The following CTU1 variants were observed in gnomAD, a reference collection of about 807,000 sequenced individuals.
CTU1 encodes the protein cytoplasmic tRNA 2-thiolation protein 1.
CTU1 carries 15 observed loss-of-function variants against 12.9 expected under a neutral mutation model. That is an observed-to-expected ratio of 1.16 (90% CI 0.78 to 1.79). The LOEUF (loss-of-function observed/expected upper bound fraction) is 1.79. Ranked by LOEUF, CTU1 falls within the 40% of genes most tolerant of loss-of-function variation. The pLI is 0.00. For missense variants in CTU1, 553 were observed against 550.5 expected, an observed-to-expected ratio of 1.00 and a Z score of -0.05; for synonymous variants, 295 against 275.6, an observed-to-expected ratio of 1.07 and a Z score of -0.70.
intron 2 of CTU1, 62 bp from the exon 3 acceptor site, chr19:51,099,201 C>G (rs2122788989): frequency 6.9e-7 from 1 of 1,451,580 alleles, no homozygotes; most frequent in Non-Finnish European, 9.2e-7. Flanking sequence ...GCCAGGGAGC[C>G]CCCCGGGGAA....
In CTU1 at chr19:51,104,550, G is replaced by A; in HGVS notation, c.20C>T (p.Ala7Val). Reference sequence around the variant, plus strand: ...GGCGGCGCGTGCAGCATGGCAGGAGGCGCACGGCGGGGCGGGCATTGCGGG... The same window carrying A: ...GGCGGCGCGTGCAGCATGGCAGGAGACGCACGGCGGGGCGGGCATTGCGGG... The part of the protein sequence containing the change: MPAPPC[A>V]SCHAARAALR... The change falls in exon 2 of 3, where the codon GCC becomes GTC. Residue 7 changes from alanine to valine, a missense_variant. By Grantham distance (64) the Ala-to-Val change is moderately conservative. Transcript: ENST00000421832. 7 of 1,256,408 alleles carry A rather than the reference G, an allele frequency of 5.6e-6. No homozygotes were observed. The highest frequency in any genetic ancestry group is 6.0e-6 in the Non-Finnish European group (6 of 1,000,002). 77.8% of individuals were successfully genotyped at this position (1,256,408 alleles called of 1,614,324 possible).
intron 2 of CTU1, among the ~76,000 whole-genome samples, chr19:51,100,618 A>G (rs1284511838): frequency 6.6e-6 from 1 of 152,094 alleles, no homozygotes; most frequent in East Asian, 1.9e-4. Flanking sequence ...AAAAGAAAAG[A>G]AAATGGAGGA....
chr19:51,101,488 T>C (rs1439043430), intron 2 of CTU1, among the ~76,000 whole-genome samples: 1 of 152,082 alleles, frequency 6.6e-6, no homozygotes, highest in South Asian at 2.1e-4. Flanking sequence ...TTAAATAGCA[T>C]CTAGTGGGTA....
At chr19:51,100,954 T>TGC (rs1344740683) in intron 2 of CTU1, among the ~76,000 whole-genome samples, 3 of 151,372 alleles carry the variant, frequency 2.0e-5, no homozygotes, top group African/African-American at 2.4e-5. Context: ...TGTGTGTGTG[T>TGC]GTGTGTTTGA....
At position 51,108,117 on chromosome 19, in the gene CTU1, G is replaced by A. The variant is rs548690996; in HGVS notation, c.-22+230C>T. 6.6e-6 allele frequency among the ~76,000 whole-genome samples: 1 copy of A among 151,934 alleles called. No individual in the cohort carries two copies. Among genetic ancestry groups the A allele is most frequent in the East Asian group, 1.9e-4 (1 of 5,174 alleles). Reference sequence around the variant, plus strand: ...CGGGGACAGGCAGATAGTAACATAGGGGCGGGGGCAAGCAGATGGTCTTAT... The same window carrying A: ...CGGGGACAGGCAGATAGTAACATAGAGGCGGGGGCAAGCAGATGGTCTTAT... On this transcript the variant is annotated intron_variant, in intron 1 of 2. Transcript: ENST00000421832. The surrounding 1 kb of genome is among the most constrained non-coding windows in gnomAD (Gnocchi z 4.5).
Position 51,104,364 on chromosome 19 carries a change from T to C in CTU1, c.206A>G (p.His69Arg). 1 of 1,425,008 alleles carries C rather than the reference T, an allele frequency of 7.0e-7. No individual in the cohort carries two copies. Among genetic ancestry groups the C allele is most frequent in the Non-Finnish European group, 9.1e-7 (1 of 1,094,380 alleles). The allele number at this position is 1,425,008 out of a possible 1,614,324, so 88.3% of individuals were successfully genotyped here. ...GCGCGGCGCCAGCGCGCGCAGCACG[T>C]GCGCCAGCACCGTGGAGTCCTTGCC... ...SGGKDSTVLAHVLRALAPRLG... is the reference protein window; with the variant it reads ...SGGKDSTVLARVLRALAPRLG... The change falls in exon 2 of 3, where the codon CAC becomes CGC. Residue 69 changes from histidine to arginine, a missense_variant. Around this residue, in one of 2 missense-constraint regions of CTU1, gnomAD observed 500 missense variants for 458.5 expected, o/e 1.09. Transcript: ENST00000421832.
At chr19:51,104,975 T>A (rs1047991203) in intron 1 of CTU1, among the ~76,000 whole-genome samples, 5 of 152,108 alleles carry the variant, frequency 3.3e-5, no homozygotes, top group African/African-American at 1.2e-4. Context: ...CTTGTTACAG[T>A]CCTGATCAGG....
chr19:51,103,933 A>G (rs1247740679), intron 2 of CTU1, 129 bp downstream of exon 2: 19 of 981,880 alleles, frequency 1.9e-5, no homozygotes, highest in Non-Finnish European at 2.6e-5. Flanking sequence ...TCCTCCCATT[A>G]AGCCACCAGG....
chr19:51,099,446 A>C (rs1023559706), intron 2 of CTU1, among the ~76,000 whole-genome samples: 1 of 151,996 alleles, frequency 6.6e-6, no homozygotes, highest in Non-Finnish European at 1.5e-5. Context: ...CGGGGAGGGC[A>C]AGAGCGAGCC....
intron 1 of CTU1, among the ~76,000 whole-genome samples, chr19:51,106,431 T>C (rs531631658): frequency 6.6e-6 from 1 of 152,304 alleles, no homozygotes; most frequent in South Asian, 2.1e-4. Context: ...CTCAATTCTC[T>C]TTTGGGGACG....
chr19:51,097,644 TG>T lies in CTU1; in HGVS notation c.*956del, dbSNP rs1324947493. 2 of 135,526 alleles carry T rather than the reference TG, an allele frequency of 1.5e-5. No individual in the cohort carries two copies. Among genetic ancestry groups the T allele is most frequent in the African/African-American group, 5.6e-5 (2 of 36,024 alleles). The allele number at this position is 135,526 out of a possible 1,614,324, so 8.4% of individuals were successfully genotyped here. On this transcript the variant is annotated 3_prime_UTR_variant, in exon 3 of 3. Coordinates refer to ENST00000421832, the MANE Select transcript of CTU1 (RefSeq NM_145232.4). ...CATTTATTGAGCACCTCAACTTCTCTGATCTTCCATTTCCTCCCAGTGGTGC... is the reference window on the plus strand; with the variant it reads ...CATTTATTGAGCACCTCAACTTCTCTATCTTCCATTTCCTCCCAGTGGTGC...
rs181320981 is a variant in CTU1 at position 51,107,782 on chromosome 19, A to T, written c.-22+565T>A. 1.4e-4 allele frequency among the ~76,000 whole-genome samples: 21 copies of T among 152,306 alleles called. No homozygotes were observed. The East Asian group carries it at 2.9e-3, about 21-fold the overall frequency. The stretch of plus-strand genomic sequence containing the variant: ...TCCATTTGGCCACGTCAGGTTTGAC[A>T]TGCATGTTAAGCGTCTTCCCTCAAA... On this transcript the variant is annotated intron_variant, in intron 1 of 2. Coordinates refer to ENST00000421832, the MANE Select transcript of CTU1 (RefSeq NM_145232.4).
chr19:51,104,761 C>G lies in CTU1; in HGVS notation c.-21-171G>C, dbSNP rs527974360. Among the ~76,000 whole-genome samples the G allele has an allele frequency of 1.6e-4, 24 of 152,214 alleles. No homozygotes were observed. In the East Asian group the frequency reaches 3.3e-3, roughly 21 times the overall value. On this transcript the variant is annotated intron_variant, in intron 1 of 2. Coordinates refer to ENST00000421832, the MANE Select transcript of CTU1 (RefSeq NM_145232.4). ...GGGATAGGATGGTTATAAATAGGTC[C>G]GGTGTAAGGAAGCCACTGCCTTAGG... is the stretch of plus-strand genomic sequence containing the variant.
Position 51,104,170 on chromosome 19 carries a change from T to C in CTU1, c.400A>G (p.Thr134Ala). 6.6e-7 allele frequency: 1 copy of C among 1,522,074 alleles called. No individual in the cohort carries two copies. Among genetic ancestry groups the C allele is most frequent in the Non-Finnish European group, 8.8e-7 (1 of 1,141,832 alleles). 94.3% of individuals were successfully genotyped at this position (1,522,074 alleles called of 1,614,324 possible). A position where few individuals can be genotyped will look rare whatever the true frequency, so the allele number is the denominator to read the frequency against. ...GAGCGGCTGCGGCCGGAGCCGGCTG[T>C]GCTGCGGGCCACGGCGTCCATCGTC... ...GWTMDAVARS[T>A]AGSGRSRSCC... The change falls in exon 2 of 3, where the codon ACA becomes GCA. Residue 134 changes from threonine to alanine, a missense_variant. Coordinates refer to ENST00000421832, the MANE Select transcript of CTU1 (RefSeq NM_145232.4).
intron 2 of CTU1, among the ~76,000 whole-genome samples, chr19:51,102,204 A>C (rs1157338503): frequency 6.6e-6 from 1 of 152,082 alleles, no homozygotes; most frequent in Non-Finnish European, 1.5e-5. Flanking sequence ...GGGTTTCACC[A>C]TGTTGGCCAG....
Position 51,104,405 on chromosome 19 carries a change from G to A in CTU1, c.165C>T (p.Ala55=), listed in dbSNP as rs1599807832. ...AGTCCTTGCCGCCCGAGGCGCCCAC[G>A]GCCACCACCGCGCCGGGCGGCAGCA... is the stretch of plus-strand genomic sequence containing the variant. ...GRLLPPGAVV[A]VGASGGKDST... is the part of the protein sequence containing the mutation. Residue 55 remains alanine (A), a synonymous_variant, in exon 2 of 3, where the codon GCC becomes GCT. Coordinates refer to ENST00000421832, the MANE Select transcript of CTU1 (RefSeq NM_145232.4). 1.6e-6 allele frequency: 2 copies of A among 1,255,168 alleles called. No homozygotes were observed. The highest frequency in any genetic ancestry group is 4.0e-5 in the East Asian group (1 of 24,930). The allele number at this position is 1,255,168 out of a possible 1,614,324, so 77.8% of individuals were successfully genotyped here. A position where few individuals can be genotyped will look rare whatever the true frequency, so the allele number is the denominator to read the frequency against.
Position 51,104,102 on chromosome 19 carries a change from C to T in CTU1, c.468G>A (p.Glu156=), listed in dbSNP as rs764267577. The change falls in exon 2 of 3, where the codon GAG becomes GAA. Residue 156 remains glutamate (E), a synonymous_variant. Transcript: ENST00000421832. The part of the protein sequence containing the change: ...FCGVLRRRAL[E]EGARRVGATH... ...TGGCTCCCACGCGGCGCGCCCCTTC[C>T]TCCAGCGCCCGGCGCCGCAGCACTC... The T allele has an allele frequency of 4.7e-6, 7 of 1,477,544 alleles. No homozygotes were observed. In the African/African-American group the frequency reaches 5.9e-5, roughly 12 times the overall value. The allele number at this position is 1,477,544 out of a possible 1,614,324, so 91.5% of individuals were successfully genotyped here. A position where few individuals can be genotyped will look rare whatever the true frequency, so the allele number is the denominator to read the frequency against.
Position 51,099,024 on chromosome 19 carries a change from C to A in CTU1, c.624G>T (p.Pro208=). ...AGGCGAACTGCAGCGGGCGGCAGCG[C>A]GGCAGGGCGCCCCCCTCGCCGGGAG... is the stretch of plus-strand genomic sequence containing the variant. The part of the protein sequence containing the change: ...LGSPGEGGAL[P]RCRPLQFASQ... Residue 208 remains proline (P), a synonymous_variant, in exon 3 of 3, where the codon CCG becomes CCT. Coordinates refer to ENST00000421832, the MANE Select transcript of CTU1 (RefSeq NM_145232.4). 1.3e-6 allele frequency: 2 copies of A among 1,511,276 alleles called. No individual in the cohort carries two copies. The highest frequency in any genetic ancestry group is 1.8e-6 in the Non-Finnish European group (2 of 1,133,608). The allele number at this position is 1,511,276 out of a possible 1,614,324, so 93.6% of individuals were successfully genotyped here. A position where few individuals can be genotyped will look rare whatever the true frequency, so the allele number is the denominator to read the frequency against.
In CTU1 at chr19:51,099,155, G is replaced by A. The variant is rs1379109118; in HGVS notation, c.509-16C>T. ...GCGTTGTGACCTGGTGGGGAGAGAA[G>A]GGAGCGGGTGAGGTGGGGCGCGGAG... is the stretch of plus-strand genomic sequence containing the variant. On this transcript the variant is annotated splice_polypyrimidine_tract_variant and intron_variant, in intron 2 of 2. Transcript: ENST00000421832. 1 of 1,565,606 alleles carries A rather than the reference G, an allele frequency of 6.4e-7. No homozygotes were observed. Among genetic ancestry groups the A allele is most frequent in the Admixed American group, 1.8e-5 (1 of 55,580 alleles).
Sources: allele counts gnomAD v4.1 joint callset (sites outside exome capture counted in the v4.1 genomes callset), GRCh38; gene constraint gnomAD v4.1.1; regional missense constraint gnomAD v4.1.1; non-coding constraint Gnocchi (gnomAD v3.1); transcripts MANE v1.5; gene names NCBI Gene and HGNC (gene_info 2026-07-23, HGNC 2026-07-21).